PRSS35: variants seen among roughly 807,000 people sequenced by gnomAD.
The protein encoded by PRSS35 is inactive serine protease 35.
Under a neutral mutation model 8.1 loss-of-function variants are expected in PRSS35, and 7 were observed. The ratio of observed to expected loss-of-function variants is 0.86; its 90% CI spans 0.49 to 1.62. PRSS35 has a LOEUF of 1.62. Among genes scored for constraint, PRSS35 ranks in the 40% most tolerant of loss-of-function variants. The probability of loss-of-function intolerance (pLI) is 0.00; values close to 1 mark genes in which losing one functional copy is unlikely to be tolerated. For synonymous variants in PRSS35, 199 were observed against 188.7 expected (o/e 1.05, Z -0.45); for missense variants, 566 against 518.0 (o/e 1.09, Z -0.90).
chr6:83,524,488 G>C lies in PRSS35; in HGVS notation c.1047G>C (p.Gly349=), dbSNP rs963817861. ...CDAESGSTGS[G]VYLRLKDPDK... is the part of the protein sequence containing the mutation. ...CTGAGTCGGGCTCCACCGGTTCGGG[G>C]GTCTATCTGCGTCTGAAAGATCCAG... The change falls in exon 2 of 2, where the codon GGG becomes GGC. Residue 349 remains glycine, a synonymous_variant. Coordinates refer to ENST00000369700, the MANE Select transcript of PRSS35 (RefSeq NM_153362.3). 2.4e-5 allele frequency: 39 copies of C among 1,613,966 alleles called. No homozygotes were observed. Among genetic ancestry groups the C allele is most frequent in the Non-Finnish European group, 3.2e-5 (38 of 1,180,030 alleles).
chr6:83,521,177 T>C (rs1771814374), intron 1 of PRSS35, among the ~76,000 whole-genome samples: 1 of 152,174 alleles, frequency 6.6e-6, no homozygotes, highest in Non-Finnish European at 1.5e-5. Context: ...TCTATTTTGG[T>C]TTGTTGATAA....
rs188672668 is a variant in PRSS35, at chr6:83,512,713, A to G, written c.-21+19A>G. 1,130 of 152,344 alleles carry G rather than the reference A, an allele frequency of 7.4e-3. 9 individuals are homozygous for G. Among genetic ancestry groups the G allele is most frequent in the South Asian group, 0.025 (119 of 4,810 alleles). 9.4% of individuals were successfully genotyped at this position (152,344 alleles called of 1,614,324 possible). ...CTGGCAGGTAAAGATGAAGCTCCCC[A>G]AACCCAACAACCTTAGAACTTAGAA... On this transcript the variant is annotated intron_variant, in intron 1 of 1. Coordinates refer to ENST00000369700, the MANE Select transcript of PRSS35 (RefSeq NM_153362.3).
intron 1 of PRSS35, among the ~76,000 whole-genome samples, chr6:83,518,834 G>T (rs1227105548): frequency 2.6e-5 from 4 of 151,820 alleles, no homozygotes; most frequent in Admixed American, 6.6e-5. Context: ...TTCTTTGCGT[G>T]TATCATCTCA....
Position 83,523,575 on chromosome 6 carries a change from T to C in PRSS35, c.134T>C (p.Leu45Pro). The change falls in exon 2 of 2, where the codon CTC becomes CCC. Residue 45 changes from leucine to proline, a missense_variant. Transcript: ENST00000369700. ...PRIVSERTFHLTSPAFEADAK... is the reference protein window; with the variant it reads ...PRIVSERTFHPTSPAFEADAK... ...ATTGTCAGTGAAAGGACTTTCCATCTCACCAGCCCCGCATTTGAGGCAGAT... is the reference window on the plus strand; with the variant it reads ...ATTGTCAGTGAAAGGACTTTCCATCCCACCAGCCCCGCATTTGAGGCAGAT... 6.2e-7 allele frequency: 1 copy of C among 1,614,194 alleles called. No individual in the cohort carries two copies. The highest frequency in any genetic ancestry group is 8.5e-7 in the Non-Finnish European group (1 of 1,180,032).
chr6:83,515,611 C>A (rs887555009), intron 1 of PRSS35, among the ~76,000 whole-genome samples: 2 of 151,994 alleles, frequency 1.3e-5, no homozygotes, highest in Non-Finnish European at 2.9e-5. Flanking sequence ...TTAGGTGATC[C>A]TCCCAACTCA....
chr6:83,523,735 G>T lies in PRSS35; in HGVS notation c.294G>T (p.Val98=), dbSNP rs199917249. 3.4e-5 allele frequency: 55 copies of T among 1,614,164 alleles called. No homozygotes were observed. The African/African-American group carries it at 7.1e-4, about 21-fold the overall frequency. Residue 98 remains valine, a synonymous_variant, in exon 2 of 2, where the codon GTG becomes GTT. Coordinates refer to ENST00000369700, the MANE Select transcript of PRSS35 (RefSeq NM_153362.3). Reference sequence around the variant, plus strand: ...ATGGCACCCGAACCTTAACCAGGGTGAAAGTTCAAGATTTGGTTCTTGAGC... The same window carrying T: ...ATGGCACCCGAACCTTAACCAGGGTTAAAGTTCAAGATTTGGTTCTTGAGC... The part of the protein sequence containing the change: ...FENGTRTLTR[V]KVQDLVLEPT...
In PRSS35 at chr6:83,524,757, C is replaced by G; in HGVS notation, c.*74C>G. On this transcript the variant is annotated 3_prime_UTR_variant, in exon 2 of 2. Transcript: ENST00000369700. Reference sequence around the variant, plus strand: ...AGCTCTGCTTACCGTAGTGAGATCACTTCATAGGTTATGCCTGGACTTGAA... The same window carrying G: ...AGCTCTGCTTACCGTAGTGAGATCAGTTCATAGGTTATGCCTGGACTTGAA... 2.8e-6 allele frequency: 4 copies of G among 1,406,660 alleles called. No individual in the cohort carries two copies. Among genetic ancestry groups the G allele is most frequent in the Non-Finnish European group, 3.8e-6 (4 of 1,044,582 alleles). 87.1% of individuals were successfully genotyped at this position (1,406,660 alleles called of 1,614,324 possible). A position where few individuals can be genotyped will look rare whatever the true frequency, so the allele number is the denominator to read the frequency against.
rs1474009747 is a variant in PRSS35 at position 83,524,408 on chromosome 6, C to T, written c.967C>T (p.Arg323Trp). 4 of 1,614,058 alleles carry T rather than the reference C, an allele frequency of 2.5e-6. No individual in the cohort carries two copies. Among genetic ancestry groups the T allele is most frequent in the East Asian group, 4.5e-5 (2 of 44,896 alleles). Residue 323 changes from arginine to tryptophan, a missense_variant, in exon 2 of 2, where the codon CGG (arginine) becomes TGG (tryptophan). Physicochemically the swap from Arg to Trp is moderately radical, Grantham distance 101. Coordinates refer to ENST00000369700, the MANE Select transcript of PRSS35 (RefSeq NM_153362.3). ...CGATAGGGCTGATCAGTTGGTCTAT[C>T]GGTTTTGCAGTGTGTCCGACGAATC... is the stretch of plus-strand genomic sequence containing the variant. ...DNDRADQLVY[R>W]FCSVSDESND... is the part of the protein sequence containing the mutation.
chr6:83,517,882 A>G (rs962975030), intron 1 of PRSS35, among the ~76,000 whole-genome samples: 2 of 152,170 alleles, frequency 1.3e-5, no homozygotes, highest in African/African-American at 4.8e-5. Context: ...CATTGATATG[A>G]CTGAGTAATT....
intron 1 of PRSS35, among the ~76,000 whole-genome samples, chr6:83,519,710 A>G (rs144882050): frequency 3.3e-5 from 5 of 152,320 alleles, no homozygotes; most frequent in African/African-American, 1.2e-4. Context: ...ATGTCCTCTT[A>G]TTACTGTGAT....
At position 83,524,238 on chromosome 6, in the gene PRSS35, G is replaced by A. The variant is rs1367084252; in HGVS notation, c.797G>A (p.Gly266Glu). ...CACATTCCGAAGGGCTGGGCACGAG[G>A]AGGCATGGGGGACGCTACCTTGGAC... The part of the protein sequence containing the change: ...NTHIPKGWAR[G>E]GMGDATLDYD... Residue 266 changes from glycine to glutamate, a missense_variant, in exon 2 of 2, where the codon GGA (glycine) becomes GAA (glutamate). Coordinates refer to ENST00000369700, the MANE Select transcript of PRSS35 (RefSeq NM_153362.3). The A allele has an allele frequency of 6.2e-7, 1 of 1,614,166 alleles. No homozygotes were observed. The highest frequency in any genetic ancestry group is 8.5e-7 in the Non-Finnish European group (1 of 1,180,040).
rs1172523957 is a variant in PRSS35 at position 83,523,810 on chromosome 6, G to C, written c.369G>C (p.Gln123His). ...TKGVSVRRKR[Q>H]VYGTDSRFSI... The stretch of plus-strand genomic sequence containing the variant: ...GAGTATCTGTTAGGAGAAAGAGACA[G>C]GTGTATGGCACCGACAGCAGGTTCA... Residue 123 changes from glutamine (Q) to histidine (H), a missense_variant, in exon 2 of 2, where the codon CAG (glutamine) becomes CAC (histidine). Coordinates refer to ENST00000369700, the MANE Select transcript of PRSS35 (RefSeq NM_153362.3). The C allele has an allele frequency of 1.2e-6, 2 of 1,614,188 alleles. No individual in the cohort carries two copies. Among genetic ancestry groups the C allele is most frequent in the Non-Finnish European group, 1.7e-6 (2 of 1,180,040 alleles).
chr6:83,523,371 T>A, intron 1 of PRSS35, 51 bp from the exon 2 acceptor site: 1 of 1,386,306 alleles, frequency 7.2e-7, no homozygotes, highest in Non-Finnish European at 9.9e-7. Context: ...AATGGATAAG[T>A]AAGATTTAAA....
At chr6:83,519,158 C>T (rs949113913) in intron 1 of PRSS35, among the ~76,000 whole-genome samples, 2 of 152,154 alleles carry the variant, frequency 1.3e-5, no homozygotes, top group African/African-American at 4.8e-5. Flanking sequence ...AGATTGGGTA[C>T]AAATGTGTAA....
intron 1 of PRSS35, among the ~76,000 whole-genome samples, chr6:83,521,336 T>C (rs1357493240): frequency 6.6e-6 from 1 of 151,982 alleles, no homozygotes; most frequent in Non-Finnish European, 1.5e-5. Flanking sequence ...CTTGATGAAA[T>C]ACTATTGAGA....
chr6:83,512,744 C>G (rs1771642811), intron 1 of PRSS35, 50 bp downstream of exon 1: 1 of 152,192 alleles, frequency 6.6e-6, no homozygotes, highest in African/African-American at 2.4e-5. Flanking sequence ...TAGAAATTTC[C>G]CTGAGAAAGG....
intron 1 of PRSS35, among the ~76,000 whole-genome samples, chr6:83,515,289 A>C (rs1766296634): frequency 6.6e-6 from 1 of 152,242 alleles, no homozygotes; most frequent in African/African-American, 2.4e-5. Context: ...CGGAGTTAGC[A>C]GGTGGTATGC....
At chr6:83,515,061 C>A (rs1266726732) in intron 1 of PRSS35, among the ~76,000 whole-genome samples, 1 of 152,140 alleles carries the variant, frequency 6.6e-6, no homozygotes, top group Admixed American at 6.5e-5. Context: ...ATTTTGCCAT[C>A]TAGTGGTAGC....
chr6:83,522,227 A>G (rs922706108), intron 1 of PRSS35, among the ~76,000 whole-genome samples: 18 of 152,310 alleles, frequency 1.2e-4, no homozygotes, highest in African/African-American at 4.1e-4. Flanking sequence ...TTAAGTCTTG[A>G]TATTTTAACT....
Sources: allele counts gnomAD v4.1 joint callset (sites outside exome capture counted in the v4.1 genomes callset), GRCh38; gene constraint gnomAD v4.1.1; transcripts MANE v1.5; gene names NCBI Gene and HGNC (gene_info 2026-07-23, HGNC 2026-07-21).